The following ZRANB3 variants were observed in gnomAD, a reference collection of about 807,000 sequenced individuals.
The protein encoded by ZRANB3 is DNA annealing helicase and endonuclease ZRANB3.
A neutral mutation model predicts 133.8 loss-of-function variants in ZRANB3; 125 were observed. The ratio of observed to expected loss-of-function variants is 0.93; its 90% CI spans 0.81 to 1.08. ZRANB3 has a LOEUF of 1.08. Ranked by LOEUF, ZRANB3 falls within the 50% of genes least tolerant of loss-of-function variation. ZRANB3 has a pLI of 0.00. For synonymous variants in ZRANB3, 387 were observed against 432.7 expected (o/e 0.89, Z 1.31); for missense variants, 1,229 against 1,275.5 (o/e 0.96, Z 0.56).
intron 12 of ZRANB3, among the ~76,000 whole-genome samples, chr2:135,261,038 A>G (rs1446158586): frequency 6.7e-6 from 1 of 150,062 alleles, no homozygotes; most frequent in Non-Finnish European, 1.5e-5. Flanking sequence ...TGAAATATCC[A>G]CAAGCTGTTA....
intron 6 of ZRANB3, among the ~76,000 whole-genome samples, chr2:135,337,637 T>C (rs1005703729): frequency 1.3e-5 from 2 of 152,198 alleles, no homozygotes; most frequent in African/African-American, 2.4e-5. Context: ...AGCATCTAAA[T>C]GGATTTATAG....
intron 4 of ZRANB3, 175 bp downstream of exon 4, chr2:135,353,275 C>A: frequency 2.6e-6 from 1 of 385,318 alleles, no homozygotes; most frequent in Non-Finnish European, 4.5e-6. Flanking sequence ...CTAAAATATA[C>A]TATTGGGTTT....
chr2:135,369,367 G>A (rs1404661319), intron 3 of ZRANB3, among the ~76,000 whole-genome samples: 3 of 151,978 alleles, frequency 2.0e-5, no homozygotes, highest in African/African-American at 7.2e-5. Flanking sequence ...TTAATAGTTT[G>A]TTTCTAAATT....
chr2:135,496,945 T>C (rs925273805), intron 2 of ZRANB3, among the ~76,000 whole-genome samples: 4 of 152,216 alleles, frequency 2.6e-5, no homozygotes, highest in Non-Finnish European at 5.9e-5. Flanking sequence ...TCATTTCAAG[T>C]ATATTGAGTG....
chr2:135,395,483 A>C (rs1015440018), intron 2 of ZRANB3, among the ~76,000 whole-genome samples: 3 of 148,362 alleles, frequency 2.0e-5, no homozygotes, highest in African/African-American at 7.5e-5. Flanking sequence ...TTTGAGACAC[A>C]GTTTCATTCT....
chr2:135,378,959 AT>A (rs1024884018), intron 3 of ZRANB3, among the ~76,000 whole-genome samples: 2 of 152,168 alleles, frequency 1.3e-5, no homozygotes, highest in African/African-American at 4.8e-5. Flanking sequence ...TCCTAGTTTT[AT>A]TTTTATTTAT....
chr2:135,325,340 T>C (rs1169606864), intron 6 of ZRANB3, among the ~76,000 whole-genome samples: 1 of 152,188 alleles, frequency 6.6e-6, no homozygotes, highest in Non-Finnish European at 1.5e-5. Flanking sequence ...CCTGCCTTTC[T>C]TAAGCAAACT....
intron 3 of ZRANB3, among the ~76,000 whole-genome samples, chr2:135,355,718 C>T (rs1345532912): frequency 6.6e-6 from 1 of 152,174 alleles, no homozygotes; most frequent in Non-Finnish European, 1.5e-5. Flanking sequence ...GCCTCAACAA[C>T]TCTGCCAAAA....
chr2:135,432,809 C>T (rs1349091300), intron 2 of ZRANB3, among the ~76,000 whole-genome samples: 1 of 152,172 alleles, frequency 6.6e-6, no homozygotes, highest in African/African-American at 2.4e-5. Context: ...AGTTGAAGGG[C>T]TGTCTTAAAT....
chr2:135,334,809 C>T (rs996886333), intron 6 of ZRANB3, among the ~76,000 whole-genome samples: 6 of 151,992 alleles, frequency 3.9e-5, no homozygotes, highest in Non-Finnish European at 8.8e-5. Flanking sequence ...GCAAGAGAAT[C>T]GGTTGAACCT....
At chr2:135,407,269 C>T (rs1171342085) in intron 2 of ZRANB3, among the ~76,000 whole-genome samples, 43 of 151,000 alleles carry the variant, frequency 2.8e-4, no homozygotes, top group African/African-American at 7.9e-4. Context: ...TTACAAGGGA[C>T]ATGAAGGACC....
chr2:135,265,658 CCGTT>C lies in ZRANB3; in HGVS notation c.1411_1414del (p.Asn471ValfsTer34), dbSNP rs1680203129. On this transcript the variant is annotated frameshift_variant, in exon 12 of 21. Coordinates refer to ENST00000264159, the MANE Select transcript of ZRANB3 (RefSeq NM_032143.4). LOFTEE classifies it high-confidence loss of function. Reference sequence around the variant, plus strand: ...CTCAGCCTGAATTTTTTCTTTCCTACCGTTCAGTGTGCTCCCTGTAACTTGAGCC... The same window carrying C: ...CTCAGCCTGAATTTTTTCTTTCCTACCAGTGTGCTCCCTGTAACTTGAGCC... The C allele has an allele frequency of 6.2e-7, 1 of 1,613,622 alleles. No homozygotes were observed. The highest frequency in any genetic ancestry group is 2.2e-5 in the East Asian group (1 of 44,860).
chr2:135,413,505 G>A (rs1383837846), intron 2 of ZRANB3, among the ~76,000 whole-genome samples: 2 of 152,100 alleles, frequency 1.3e-5, no homozygotes, highest in Admixed American at 1.3e-4. Context: ...AGCAACAAAG[G>A]TTTTAAGATA....
At chr2:135,471,659 C>T (rs1691277411) in intron 2 of ZRANB3, among the ~76,000 whole-genome samples, 2 of 152,148 alleles carry the variant, frequency 1.3e-5, no homozygotes, top group Admixed American at 1.3e-4. Context: ...GGAATTATTT[C>T]CATGGCTACT....
chr2:135,287,431 G>T (rs2104789309), intron 8 of ZRANB3, among the ~76,000 whole-genome samples: 1 of 152,080 alleles, frequency 6.6e-6, no homozygotes, highest in East Asian at 1.9e-4. Context: ...ATGAATTTTA[G>T]GATTGTTTTT....
chr2:135,209,065 A>G (rs1693997558), intron 17 of ZRANB3, 87 bp from the exon 18 acceptor site: 2 of 1,284,324 alleles, frequency 1.6e-6, no homozygotes, highest in Non-Finnish European at 2.2e-6. Flanking sequence ...TGCAAAAGCA[A>G]TAGAAGAAAA....
At chr2:135,390,588 G>A (rs1385703955) in intron 3 of ZRANB3, among the ~76,000 whole-genome samples, 1 of 151,886 alleles carries the variant, frequency 6.6e-6, no homozygotes, top group South Asian at 2.1e-4. Flanking sequence ...ATTAACATAT[G>A]TATCAGATGC....
chr2:135,208,698 C>T (rs977250285), intron 18 of ZRANB3, among the ~76,000 whole-genome samples, 170 bp downstream of exon 18: 5 of 152,278 alleles, frequency 3.3e-5, no homozygotes, highest in African/African-American at 1.2e-4. Flanking sequence ...AATGAGGACA[C>T]CAGGTACCTC....
intron 12 of ZRANB3, among the ~76,000 whole-genome samples, chr2:135,259,389 CAGACA>C (rs1679830361): frequency 6.6e-6 from 1 of 151,770 alleles, no homozygotes; most frequent in Non-Finnish European, 1.5e-5. Flanking sequence ...TCTTTTGCAG[CAGACA>C]AGCAACCATT....
Sources: allele counts gnomAD v4.1 joint callset (sites outside exome capture counted in the v4.1 genomes callset), GRCh38; gene constraint gnomAD v4.1.1; transcripts MANE v1.5; gene names NCBI Gene and HGNC (gene_info 2026-07-23, HGNC 2026-07-21).